The following ZC3H3 variants were observed in gnomAD, a reference collection of about 807,000 sequenced individuals.
ZC3H3 encodes zinc finger CCCH domain-containing protein 3.
A neutral mutation model predicts 77.3 loss-of-function variants in ZC3H3; 36 were observed. The ratio of observed to expected loss-of-function variants is 0.47; its 90% CI spans 0.36 to 0.61. The LOEUF is 0.61. Ranked by LOEUF, ZC3H3 falls within the 20% of genes least tolerant of loss-of-function variation. The pLI is 0.00. For synonymous variants in ZC3H3, 626 were observed against 555.2 expected, an observed-to-expected ratio of 1.13 and a Z score of -1.79; for missense variants, 1,331 against 1,312.2, an observed-to-expected ratio of 1.01 and a Z score of -0.22.
At position 143,507,892 on chromosome 8, in the gene ZC3H3, G is replaced by A; in HGVS notation, c.1569C>T (p.Ser523=). Residue 523 remains serine (S), a synonymous_variant, in exon 4 of 12, where the codon AGC becomes AGT. Transcript: ENST00000262577. ...RAHLPTKEAS[S]LHAVRTAPTS... is the part of the protein sequence containing the mutation. ...TGGGTGCAGTCCGCACGGCATGCAG[G>A]CTGGACGCTGTAGAGAAAACCCAGG... 6.3e-7 allele frequency: 1 copy of A among 1,591,344 alleles called. No individual in the cohort carries two copies.
chr8:143,509,122 C>G (rs985611107), intron 3 of ZC3H3, among the ~76,000 whole-genome samples: 8 of 152,168 alleles, frequency 5.3e-5, no homozygotes, highest in African/African-American at 1.9e-4. Flanking sequence ...ACTCAGGCAC[C>G]TGTCAGCCTG....
At chr8:143,465,935 C>A in intron 8 of ZC3H3, 87 bp from the exon 9 acceptor site, 1 of 1,493,022 alleles carries the variant, frequency 6.7e-7, no homozygotes, top group South Asian at 1.3e-5. Flanking sequence ...TACGGCCCCG[C>A]CCGAGAGAGA....
chr8:143,440,314 C>T lies in ZC3H3; in HGVS notation c.2542G>A (p.Ala848Thr). ...RPTRQTPSSA[A>T]LTAAAVAAPP... ...GCAGCCACGGCAGCCGCAGTGAGGG[C>T]AGCCGAGCTGGGCGTCTGCCTGGTG... Residue 848 changes from alanine (A) to threonine (T), a missense_variant, in exon 11 of 12, where the codon GCC (alanine) becomes ACC (threonine). This residue lies in a region of ZC3H3 where 249 missense variants were observed against 236.9 expected (regional missense o/e 1.05). Coordinates refer to ENST00000262577, the MANE Select transcript of ZC3H3 (RefSeq NM_015117.3). The T allele has an allele frequency of 1.4e-5, 21 of 1,555,394 alleles. No individual in the cohort carries two copies. The highest frequency in any genetic ancestry group is 1.8e-5 in the Non-Finnish European group (21 of 1,147,714).
intron 10 of ZC3H3, 149 bp downstream of exon 10, chr8:143,440,787 T>C: frequency 2.1e-6 from 2 of 964,624 alleles, no homozygotes; most frequent in Non-Finnish European, 2.8e-6. Context: ...GGAGGTCATG[T>C]GATCCCCAGC....
chr8:143,452,726 T>A (rs1820020234), intron 9 of ZC3H3, among the ~76,000 whole-genome samples: 1 of 152,094 alleles, frequency 6.6e-6, no homozygotes, highest in Non-Finnish European at 1.5e-5. Context: ...GCTGAATGGA[T>A]GAGACAGAGA....
chr8:143,478,496 C>T (rs1820809199), intron 4 of ZC3H3, among the ~76,000 whole-genome samples: 1 of 152,208 alleles, frequency 6.6e-6, no homozygotes, highest in Non-Finnish European at 1.5e-5. Flanking sequence ...AGCAGCCATG[C>T]CCCCGCTCCT....
Position 143,460,901 on chromosome 8 carries a change from T to C in ZC3H3, c.2307+4816A>G, listed in dbSNP as rs1437790857. ...AATGTACGATTCCACTTAGAGGACA[T>C]AGCTAGAGGAGGCGCCTTCACTAAC... On this transcript the variant is annotated intron_variant, in intron 9 of 11. Coordinates refer to ENST00000262577, the MANE Select transcript of ZC3H3 (RefSeq NM_015117.3). The surrounding 1 kb of genome is among the most constrained non-coding windows in gnomAD (Gnocchi z 4.0). Among the ~76,000 whole-genome samples the C allele has an allele frequency of 1.3e-5, 2 of 152,102 alleles. No individual in the cohort carries two copies. The highest frequency in any genetic ancestry group is 1.9e-4 in the East Asian group (1 of 5,194).
In ZC3H3 at chr8:143,510,535, C is replaced by T. The variant is rs183598391; in HGVS notation, c.1562-2636G>A. ...TGGCAGGAGCAAGGGCTCCTAAGAC[C>T]ATGCATGGCACACGGACCCAGAAAG... On this transcript the variant is annotated intron_variant, in intron 3 of 11. Transcript: ENST00000262577. 9.3e-4 allele frequency among the ~76,000 whole-genome samples: 141 copies of T among 152,368 alleles called. 1 individual carries two copies. The highest frequency in any genetic ancestry group is 8.7e-4 in the Non-Finnish European group (59 of 68,038).
chr8:143,501,907 G>A lies in ZC3H3; in HGVS notation c.1715+5839C>T, dbSNP rs956039400. 3.3e-5 allele frequency among the ~76,000 whole-genome samples: 5 copies of A among 152,356 alleles called. No homozygotes were observed. The South Asian group carries it at 1.0e-3, about 32-fold the overall frequency. On this transcript the variant is annotated intron_variant, in intron 4 of 11. Transcript: ENST00000262577. ...TGTGGACTGAATGTTTGTGTCCCTCGAAACCCGATGCTGAAGCCCTGACCC... is the reference window on the plus strand; with the variant it reads ...TGTGGACTGAATGTTTGTGTCCCTCAAAACCCGATGCTGAAGCCCTGACCC...
intron 9 of ZC3H3, among the ~76,000 whole-genome samples, chr8:143,447,535 G>GGTACAT (rs1336804199): frequency 7.2e-5 from 11 of 152,202 alleles, no homozygotes; most frequent in Non-Finnish European, 1.6e-4. Flanking sequence ...ACAGCGAGAT[G>GGTACAT]GTACATGAGT....
intron 3 of ZC3H3, among the ~76,000 whole-genome samples, chr8:143,519,514 A>G (rs988784110): frequency 5.3e-5 from 8 of 152,204 alleles, no homozygotes; most frequent in African/African-American, 1.9e-4. Flanking sequence ...AGCACCCCAC[A>G]TCACAGCCGC....
chr8:143,441,197 G>A lies in ZC3H3; in HGVS notation c.2308-77C>T, dbSNP rs542033002. On this transcript the variant is annotated intron_variant, in intron 9 of 11. Coordinates refer to ENST00000262577, the MANE Select transcript of ZC3H3 (RefSeq NM_015117.3). Reference sequence around the variant, plus strand: ...GCACGGGGAAGGCAAGGAGAGCCAGGCCAGGCCCCCCGAGTACCCACGGGG... The same window carrying A: ...GCACGGGGAAGGCAAGGAGAGCCAGACCAGGCCCCCCGAGTACCCACGGGG... 97 of 1,331,368 alleles carry A rather than the reference G, an allele frequency of 7.3e-5. 2 individuals are homozygous for A. In the South Asian group the frequency reaches 1.9e-3, roughly 26 times the overall value. The allele number at this position is 1,331,368 out of a possible 1,614,324, so 82.5% of individuals were successfully genotyped here. A position where few individuals can be genotyped will look rare whatever the true frequency, so the allele number is the denominator to read the frequency against.
chr8:143,540,647 A>G (rs972201031), intron 1 of ZC3H3, among the ~76,000 whole-genome samples: 7 of 152,130 alleles, frequency 4.6e-5, no homozygotes, highest in African/African-American at 1.7e-4. Context: ...CTGTTCGGAG[A>G]AAAGGGGCAT....
chr8:143,471,522 G>A (rs1231442357), intron 5 of ZC3H3, among the ~76,000 whole-genome samples: 1 of 152,020 alleles, frequency 6.6e-6, no homozygotes, highest in African/African-American at 2.4e-5. Context: ...CAGAGACTGG[G>A]GCCTCTGCCC....
chr8:143,471,328 G>A (rs960722703), intron 5 of ZC3H3, among the ~76,000 whole-genome samples: 2 of 152,264 alleles, frequency 1.3e-5, no homozygotes, highest in Non-Finnish European at 2.9e-5. Context: ...GAGGCAGTGT[G>A]GGGCGGGGGC....
At chr8:143,459,665 CAG>C (rs1464534508) in intron 9 of ZC3H3, among the ~76,000 whole-genome samples, 3 of 152,068 alleles carry the variant, frequency 2.0e-5, no homozygotes, top group African/African-American at 7.3e-5. Context: ...TCAATGTGGT[CAG>C]AGTCATGAGC....
At chr8:143,482,558 G>A (rs1820934291) in intron 4 of ZC3H3, among the ~76,000 whole-genome samples, 1 of 152,190 alleles carries the variant, frequency 6.6e-6, no homozygotes, top group South Asian at 2.1e-4. Flanking sequence ...AGAGGTGGCT[G>A]CCAGGGCTTG....
In ZC3H3 at chr8:143,465,517, A is replaced by T. The variant is rs545582870; in HGVS notation, c.2307+200T>A. Among the ~76,000 whole-genome samples, 19 of 152,118 alleles carry T rather than the reference A, an allele frequency of 1.2e-4. 1 individual carries two copies. The highest frequency in any genetic ancestry group is 1.2e-3 in the Admixed American group (19 of 15,286). Reference sequence around the variant, plus strand: ...TGCGCCTCACCTTCCCATGGTTCAAACCCCGCCCTGTGTTGGTGCTGTGCA... The same window carrying T: ...TGCGCCTCACCTTCCCATGGTTCAATCCCCGCCCTGTGTTGGTGCTGTGCA... On this transcript the variant is annotated intron_variant, in intron 9 of 11. Transcript: ENST00000262577.
chr8:143,463,237 G>A (rs1347970971), intron 9 of ZC3H3, among the ~76,000 whole-genome samples: 3 of 151,690 alleles, frequency 2.0e-5, no homozygotes, highest in African/African-American at 7.3e-5. Context: ...CACCTGCCTC[G>A]GCCTCCCAAA....
Sources: allele counts gnomAD v4.1 joint callset (sites outside exome capture counted in the v4.1 genomes callset), GRCh38; gene constraint gnomAD v4.1.1; regional missense constraint gnomAD v4.1.1; non-coding constraint Gnocchi (gnomAD v3.1); transcripts MANE v1.5; gene names NCBI Gene and HGNC (gene_info 2026-07-23, HGNC 2026-07-21).